TPST1: variants seen among roughly 807,000 people sequenced by gnomAD.
The protein encoded by TPST1 is tyrosylprotein sulfotransferase 1.
A neutral mutation model predicts 34.8 loss-of-function variants in TPST1; 20 were observed. That is an observed-to-expected ratio of 0.57 (90% confidence interval 0.40 to 0.84). The LOEUF is 0.84. Among genes scored for constraint, TPST1 ranks in the 40% least tolerant of loss-of-function variants. The pLI is 0.00. For synonymous variants in TPST1, 152 were observed against 159.4 expected (o/e 0.95, Z 0.35); for missense variants, 353 against 455.5 (o/e 0.78, Z 2.05).
At chr7:66,203,263 A>G (rs113969282), upstream of TPST1, among the ~76,000 whole-genome samples, 51 of 151,604 alleles carry the variant, frequency 3.4e-4, 5 homozygotes, top group African/African-American at 1.2e-3. Flanking sequence ...GGTGAGAGGC[A>G]AGGTCTCAGT....
At chr7:66,253,496 C>T (rs536114809) in intron 2 of TPST1, among the ~76,000 whole-genome samples, 1 of 151,776 alleles carries the variant, frequency 6.6e-6, no homozygotes, top group Non-Finnish European at 1.5e-5. Flanking sequence ...TCAATTCTCC[C>T]GAGTAGCTGG....
intron 1 of TPST1, among the ~76,000 whole-genome samples, chr7:66,206,891 A>T (rs991641820): frequency 2.0e-5 from 3 of 152,208 alleles, no homozygotes; most frequent in Admixed American, 6.5e-5. Context: ...GAAACTTCTG[A>T]CAAGTCCTCT....
chr7:66,320,475 C>T (rs1233126194), intron 3 of TPST1, among the ~76,000 whole-genome samples: 1 of 151,880 alleles, frequency 6.6e-6, no homozygotes, highest in Non-Finnish European at 1.5e-5. Context: ...TCTCGATCTC[C>T]TGACCTTGTG....
At chr7:66,314,894 A>G (rs929457256) in intron 3 of TPST1, among the ~76,000 whole-genome samples, 2 of 152,214 alleles carry the variant, frequency 1.3e-5, no homozygotes, top group African/African-American at 4.8e-5. Flanking sequence ...TTACTGACCA[A>G]AATGTCATTA....
chr7:66,303,928 A>G (rs1433501029), intron 3 of TPST1, among the ~76,000 whole-genome samples: 1 of 152,190 alleles, frequency 6.6e-6, no homozygotes, highest in African/African-American at 2.4e-5. Context: ...GTTACGGCTC[A>G]GCTCACAAGG....
intron 3 of TPST1, among the ~76,000 whole-genome samples, chr7:66,349,108 A>C (rs1792416491): frequency 6.6e-6 from 1 of 152,200 alleles, no homozygotes; most frequent in Non-Finnish European, 1.5e-5. Context: ...TGTGGGATGC[A>C]ATGAGTGTGG....
intron 3 of TPST1, among the ~76,000 whole-genome samples, chr7:66,335,291 A>C (rs543993392): frequency 6.6e-6 from 1 of 152,208 alleles, no homozygotes; most frequent in Non-Finnish European, 1.5e-5. Flanking sequence ...TCCCACTTCT[A>C]CCACAAAAAC....
At chr7:66,204,680 C>T (rs1177428416), upstream of TPST1, among the ~76,000 whole-genome samples, 1 of 152,236 alleles carries the variant, frequency 6.6e-6, no homozygotes. Flanking sequence ...TCTGCCCTTT[C>T]CCCACCTTTC....
At position 66,279,273 on chromosome 7, in the gene TPST1, A is replaced by G. The variant is rs148932135; in HGVS notation, c.846-7238A>G. Among the ~76,000 whole-genome samples the G allele has an allele frequency of 1.4e-4, 21 of 152,256 alleles. No homozygotes were observed. The East Asian group carries it at 3.5e-3, about 25-fold the overall frequency. ...GCAAAGGACACTATTTCATTTTTTT[A>G]TAGCTGTGTAGTATTCCATGGTGTA... On this transcript the variant is annotated intron_variant, in intron 2 of 5. Coordinates refer to ENST00000304842, the MANE Select transcript of TPST1 (RefSeq NM_003596.4).
chr7:66,335,091 C>G (rs897514293), intron 3 of TPST1, among the ~76,000 whole-genome samples: 2 of 152,180 alleles, frequency 1.3e-5, no homozygotes, highest in Admixed American at 6.5e-5. Flanking sequence ...GTGGGAAGGC[C>G]TGAATCCCTG....
At chr7:66,257,180 C>T (rs938895997) in intron 2 of TPST1, among the ~76,000 whole-genome samples, 3 of 152,154 alleles carry the variant, frequency 2.0e-5, no homozygotes, top group African/African-American at 4.8e-5. Context: ...CTCCTGGGCT[C>T]AGCCCCCCAA....
intron 3 of TPST1, among the ~76,000 whole-genome samples, chr7:66,322,038 G>A (rs1791767874): frequency 6.6e-6 from 1 of 152,074 alleles, no homozygotes; most frequent in African/African-American, 2.4e-5. Flanking sequence ...TCTCTCTTAA[G>A]GCTGTCTTTT....
chr7:66,229,710 C>T (rs1789737511), intron 1 of TPST1, among the ~76,000 whole-genome samples: 1 of 152,150 alleles, frequency 6.6e-6, no homozygotes. Flanking sequence ...AACTCTTTTT[C>T]ACAGTAGATA....
At position 66,240,941 on chromosome 7, in the gene TPST1, G is replaced by A. The variant is rs1342921420; in HGVS notation, c.516G>A (p.Arg172=). Reference sequence around the variant, plus strand: ...TGAAATCTTTAACTTACCTTTCTAGGTTATTCCCCAATGCCAAATTTCTCC... The same window carrying A: ...TGAAATCTTTAACTTACCTTTCTAGATTATTCCCCAATGCCAAATTTCTCC... The part of the protein sequence containing the change: ...FALKSLTYLS[R]LFPNAKFLLM... The change falls in exon 2 of 6, where the codon AGG becomes AGA. Residue 172 remains arginine, a synonymous_variant. Coordinates refer to ENST00000304842, the MANE Select transcript of TPST1 (RefSeq NM_003596.4). 6.2e-6 allele frequency: 10 copies of A among 1,614,086 alleles called. No individual in the cohort carries two copies. Among genetic ancestry groups the A allele is most frequent in the African/African-American group, 5.3e-5 (4 of 75,016 alleles).
In TPST1 at chr7:66,244,022, C is replaced by T. The variant is rs755186860; in HGVS notation, c.845+2752C>T. On this transcript the variant is annotated intron_variant, in intron 2 of 5. Coordinates refer to ENST00000304842, the MANE Select transcript of TPST1 (RefSeq NM_003596.4). Reference sequence around the variant, plus strand: ...GGAGTGCAGTGGCATGATCTCGGCTCACTGCGAGCTCGGCCTCCCAGGTTC... The same window carrying T: ...GGAGTGCAGTGGCATGATCTCGGCTTACTGCGAGCTCGGCCTCCCAGGTTC... Among the ~76,000 whole-genome samples the T allele has an allele frequency of 2.0e-4, 30 of 150,146 alleles. No homozygotes were observed. The South Asian group carries it at 2.3e-3, about 12-fold the overall frequency.
At position 66,221,337 on chromosome 7, in the gene TPST1, G is replaced by A. The variant is rs77374934; in HGVS notation, c.-102+15815G>A. The stretch of plus-strand genomic sequence containing the variant: ...GGGAGATGAAGGAGGAAGAATTGAC[G>A]GGACTTTACCAGTTACTCATGGAGA... On this transcript the variant is annotated intron_variant, in intron 1 of 5. Coordinates refer to ENST00000304842, the MANE Select transcript of TPST1 (RefSeq NM_003596.4). Among the ~76,000 whole-genome samples the A allele has an allele frequency of 4.7e-3, 708 of 152,172 alleles. 9 individuals are homozygous for A. Among genetic ancestry groups the A allele is most frequent in the African/African-American group, 0.015 (616 of 41,518 alleles).
intron 4 of TPST1, among the ~76,000 whole-genome samples, chr7:66,356,380 C>A (rs1584265031): frequency 6.6e-6 from 1 of 152,198 alleles, no homozygotes; most frequent in Non-Finnish European, 1.5e-5. Context: ...ACTGAACTTC[C>A]ACACCCAGCA....
chr7:66,256,269 A>G (rs62465556), intron 2 of TPST1, among the ~76,000 whole-genome samples: 1 of 152,136 alleles, frequency 6.6e-6, no homozygotes. Context: ...TTCTATTTCT[A>G]GTTCACTAAG....
At chr7:66,206,758 GT>G (rs1341675245) in intron 1 of TPST1, among the ~76,000 whole-genome samples, 10 of 152,094 alleles carry the variant, frequency 6.6e-5, no homozygotes, top group Non-Finnish European at 1.3e-4. Flanking sequence ...TGTGGTACGT[GT>G]TTATCTATTA....
Sources: gnomAD v4.1 joint callset for allele counts (sites outside exome capture counted in the v4.1 genomes callset) on GRCh38, gnomAD v4.1.1 for gene constraint, MANE v1.5 for transcripts, NCBI Gene and HGNC (gene_info 2026-07-23, HGNC 2026-07-21) for gene names.